The following EXOC3L2 variants were observed in gnomAD, a reference collection of about 807,000 sequenced individuals.
EXOC3L2 encodes the protein exocyst complex component 3 like 2.
In EXOC3L2, 17 loss-of-function variants were observed where a neutral mutation model predicts 44.4. That is an observed-to-expected ratio of 0.38 (90% CI 0.26 to 0.57). The LOEUF (loss-of-function observed/expected upper bound fraction) is 0.57, where lower values mean the gene tolerates loss of function less well. Among genes scored for constraint, EXOC3L2 ranks in the 20% least tolerant of loss-of-function variants. The probability of loss-of-function intolerance (pLI) is 0.65; values close to 1 mark genes in which losing one functional copy is unlikely to be tolerated. For synonymous variants in EXOC3L2, 256 were observed against 253.7 expected (o/e 1.01, Z -0.09); for missense variants, 541 against 588.4 (o/e 0.92, Z 0.83).
At chr19:45,239,665 C>T (rs189984933) in intron 1 of EXOC3L2, among the ~76,000 whole-genome samples, 126 of 152,064 alleles carry the variant, frequency 8.3e-4, no homozygotes, top group Middle Eastern at 3.4e-3. Context: ...GGACTACAGG[C>T]GCGCGCCACC....
At chr19:45,229,901 T>C (rs988397517) in intron 4 of EXOC3L2, among the ~76,000 whole-genome samples, 26 of 148,820 alleles carry the variant, frequency 1.7e-4, no homozygotes, top group African/African-American at 5.9e-4. Flanking sequence ...TATTATTGTA[T>C]ATTATTTATA....
rs1470466230 is a variant in EXOC3L2, at chr19:45,234,665, G to A, written c.685C>T (p.Leu229=). ...GGGRRARDVA[L]LYEALQRELW... is the part of the protein sequence containing the mutation. ...TCGCGCTGCAGGGCCTCGTACAGCA[G>A]CGCCACGTCCCGCGCCCGGCGGCCC... Residue 229 remains leucine (L), a synonymous_variant, in exon 3 of 12, where the codon CTG becomes TTG. Coordinates refer to ENST00000413988, the MANE Select transcript of EXOC3L2 (RefSeq NM_001382422.1). This position sits in a 1 kb window ranked among gnomAD's most constrained non-coding sequence, Gnocchi z 5.0. 2 of 373,988 alleles carry A rather than the reference G, an allele frequency of 5.3e-6. No homozygotes were observed. Among genetic ancestry groups the A allele is most frequent in the East Asian group, 3.8e-5 (1 of 26,036 alleles). The allele number at this position is 373,988 out of a possible 1,614,324, so 23.2% of individuals were successfully genotyped here.
chr19:45,215,867 T>TGGTGGC (rs1969827539), intron 11 of EXOC3L2, among the ~76,000 whole-genome samples: 1 of 152,142 alleles, frequency 6.6e-6, no homozygotes, highest in Non-Finnish European at 1.5e-5. Context: ...TTGTGAGCCC[T>TGGTGGC]GGTGGCGGTG....
intron 1 of EXOC3L2, among the ~76,000 whole-genome samples, chr19:45,241,916 C>T (rs1028366492): frequency 1.3e-5 from 2 of 152,194 alleles, no homozygotes; most frequent in Non-Finnish European, 2.9e-5. Flanking sequence ...GTCTCAGTCA[C>T]CACTGTGTCC....
At chr19:45,244,724 C>G (rs1042483057) in intron 1 of EXOC3L2, among the ~76,000 whole-genome samples, 2 of 152,132 alleles carry the variant, frequency 1.3e-5, no homozygotes, top group Non-Finnish European at 2.9e-5. Flanking sequence ...CCTCGGTTTG[C>G]GGAATCCATC....
intron 8 of EXOC3L2, among the ~76,000 whole-genome samples, chr19:45,219,191 C>T (rs947669061): frequency 6.6e-5 from 10 of 151,394 alleles, no homozygotes; most frequent in African/African-American, 1.9e-4. Context: ...CCAGCCTGGG[C>T]GACAGAGTAA....
rs752310105 is a variant in EXOC3L2, at chr19:45,212,890, G to A, written c.*179C>T. The stretch of plus-strand genomic sequence containing the variant: ...GTTGGGATTACAGGCATGAGCCACC[G>A]TGCCTGGCGTTTGTTTCCCTTCTGT... On this transcript the variant is annotated 3_prime_UTR_variant, in exon 12 of 12. Coordinates refer to ENST00000413988, the MANE Select transcript of EXOC3L2 (RefSeq NM_001382422.1). 5.6e-5 allele frequency: 36 copies of A among 638,190 alleles called. No individual in the cohort carries two copies. Among genetic ancestry groups the A allele is most frequent in the Middle Eastern group, 4.3e-4 (1 of 2,318 alleles). The allele number at this position is 638,190 out of a possible 1,614,324, so 39.5% of individuals were successfully genotyped here.
chr19:45,213,710 C>T (rs1407170302), intron 11 of EXOC3L2, among the ~76,000 whole-genome samples: 1 of 151,900 alleles, frequency 6.6e-6, no homozygotes. Context: ...TTTGGGGGGC[C>T]AAGGCAGGCG....
chr19:45,218,158 T>TACCCCCCC, intron 9 of EXOC3L2, 39 bp downstream of exon 9: 22 of 1,034,902 alleles, frequency 2.1e-5, no homozygotes, highest in South Asian at 3.6e-5. Context: ...TCCCCTCTTT[T>TACCCCCCC]CCCCCACCCC....
chr19:45,242,861 CAAAAAAAAAA>C (rs56175442), intron 1 of EXOC3L2, among the ~76,000 whole-genome samples: 1 of 85,634 alleles, frequency 1.2e-5, no homozygotes, highest in Non-Finnish European at 2.2e-5. Context: ...AACTCCATCT[CAAAAAAAAAA>C]AAAAAAAAAA....
intron 11 of EXOC3L2, among the ~76,000 whole-genome samples, chr19:45,214,953 C>G (rs973075001): frequency 5.9e-5 from 9 of 152,038 alleles, no homozygotes; most frequent in African/African-American, 1.9e-4. Context: ...GTCAGGAGCT[C>G]AAGACCAGTG....
At chr19:45,241,883 C>T (rs1160220299) in intron 1 of EXOC3L2, among the ~76,000 whole-genome samples, 1 of 152,230 alleles carries the variant, frequency 6.6e-6, no homozygotes, top group African/African-American at 2.4e-5. Flanking sequence ...GACTGCAAAC[C>T]TCAGCAGGAC....
intron 10 of EXOC3L2, 56 bp from the exon 11 acceptor site, chr19:45,216,250 C>A: frequency 6.3e-7 from 1 of 1,591,706 alleles, no homozygotes; most frequent in Non-Finnish European, 8.5e-7. Context: ...CCTGCCAATT[C>A]CTGCCCCTCC....
At chr19:45,232,941 C>A (rs1372908651) in intron 3 of EXOC3L2, among the ~76,000 whole-genome samples, 1 of 151,978 alleles carries the variant, frequency 6.6e-6, no homozygotes, top group Non-Finnish European at 1.5e-5. Flanking sequence ...TTAGGCCGGG[C>A]ACAGTGGCTC....
intron 1 of EXOC3L2, among the ~76,000 whole-genome samples, chr19:45,243,072 T>C (rs1970143279): frequency 6.6e-6 from 1 of 152,134 alleles, no homozygotes; most frequent in Admixed American, 6.6e-5. Context: ...TCTCTATAAA[T>C]GGTATCATAC....
intron 8 of EXOC3L2, among the ~76,000 whole-genome samples, chr19:45,223,952 C>G (rs756173448): frequency 1.3e-5 from 2 of 152,008 alleles, no homozygotes; most frequent in Non-Finnish European, 2.9e-5. Context: ...TGAGATTGTG[C>G]CATTCCACTC....
At chr19:45,230,119 G>T (rs937987805) in intron 4 of EXOC3L2, among the ~76,000 whole-genome samples, 7 of 151,866 alleles carry the variant, frequency 4.6e-5, no homozygotes, top group Non-Finnish European at 1.0e-4. Flanking sequence ...CACACTCCTG[G>T]ACTCAATCCT....
Position 45,238,754 on chromosome 19 carries a change from G to T in EXOC3L2, c.292C>A (p.Arg98Ser). Reference sequence around the variant, plus strand: ...AGGCCAAAATCTGCTGAGCTCCTGCGTATCCCTGGTACCAGCACACGGCCC... The same window carrying T: ...AGGCCAAAATCTGCTGAGCTCCTGCTTATCCCTGGTACCAGCACACGGCCC... ...FLGRVLVPGIRRSSADFGLLA... is the reference protein window; with the variant it reads ...FLGRVLVPGISRSSADFGLLA... The change falls in exon 2 of 12, where the codon CGC (arginine) becomes AGC (serine). Residue 98 changes from arginine (R) to serine (S), a missense_variant. Arg to Ser is a moderately radical substitution (Grantham distance 110). Coordinates refer to ENST00000413988, the MANE Select transcript of EXOC3L2 (RefSeq NM_001382422.1). The surrounding 1 kb of genome is among the most constrained non-coding windows in gnomAD (Gnocchi z 5.5). The T allele has an allele frequency of 5.0e-6, 2 of 398,918 alleles. No homozygotes were observed. Among genetic ancestry groups the T allele is most frequent in the Non-Finnish European group, 8.9e-6 (2 of 225,948 alleles). The allele number at this position is 398,918 out of a possible 1,614,324, so 24.7% of individuals were successfully genotyped here.
intron 3 of EXOC3L2, among the ~76,000 whole-genome samples, chr19:45,232,214 C>G (rs1050480984): frequency 3.3e-5 from 5 of 152,138 alleles, no homozygotes; most frequent in Non-Finnish European, 7.4e-5. Flanking sequence ...CTTACCTGGC[C>G]TTGGAGGCTT....
Sources: allele counts gnomAD v4.1 joint callset (sites outside exome capture counted in the v4.1 genomes callset), GRCh38; gene constraint gnomAD v4.1.1; non-coding constraint Gnocchi (gnomAD v3.1); transcripts MANE v1.5; gene names NCBI Gene and HGNC (gene_info 2026-07-23, HGNC 2026-07-21).